CADM1: variants seen among roughly 807,000 people sequenced by gnomAD.
CADM1 encodes TSLC-1.
A neutral mutation model predicts 53.1 loss-of-function variants in CADM1; 15 were observed. The ratio of observed to expected loss-of-function variants is 0.28; its 90% CI spans 0.19 to 0.44. The LOEUF is 0.44. CADM1 is among the 20% of genes least tolerant of loss of function. CADM1 has a pLI of 1.00. For missense variants in CADM1, 434 were observed against 611.3 expected, an observed-to-expected ratio of 0.71 and a Z score of 3.06; for synonymous variants, 281 against 243.0, an observed-to-expected ratio of 1.16 and a Z score of -1.45.
In CADM1 at chr11:115,174,176, C is replaced by T. The variant is rs1431126399; in HGVS notation, c.*2298G>A. On this transcript the variant is annotated 3_prime_UTR_variant, in exon 12 of 12. Coordinates refer to ENST00000331581, the MANE Select transcript of CADM1 (RefSeq NM_001301043.2). ...GTCAACATTGTAAGCCATAAAGTTA[C>T]ATCAGGAACACTGCACTACTGTACA... is the stretch of plus-strand genomic sequence containing the variant. 1 of 985,334 alleles carries T rather than the reference C, an allele frequency of 1.0e-6. No homozygotes were observed. Among genetic ancestry groups the T allele is most frequent in the Non-Finnish European group, 1.2e-6 (1 of 829,898 alleles). 61.0% of individuals were successfully genotyped at this position (985,334 alleles called of 1,614,324 possible).
At chr11:115,265,330 C>T (rs1206461763) in intron 1 of CADM1, among the ~76,000 whole-genome samples, 1 of 152,136 alleles carries the variant, frequency 6.6e-6, no homozygotes, top group East Asian at 1.9e-4. Context: ...GGTGGTTTCT[C>T]CAGTGCCTAG....
chr11:115,367,559 C>A (rs986445708), intron 1 of CADM1, among the ~76,000 whole-genome samples: 6 of 151,986 alleles, frequency 3.9e-5, no homozygotes. Flanking sequence ...GTAACGAGAA[C>A]ACGAATCCCA....
chr11:115,468,581 A>G (rs1948944085), intron 1 of CADM1, among the ~76,000 whole-genome samples: 1 of 152,156 alleles, frequency 6.6e-6, no homozygotes, highest in South Asian at 2.1e-4. Context: ...TTTTTTAAGA[A>G]AGGCAAAAGG....
Position 115,209,568 on chromosome 11 carries a change from C to G in CADM1, c.1078+6G>C. On this transcript the variant is annotated splice_donor_region_variant and intron_variant, in intron 8 of 11. Transcript: ENST00000331581. ...GACATTTTCAATGGTAATGAAGATACCATACCTGTGATGATGGTAAGGATG... is the reference window on the plus strand; with the variant it reads ...GACATTTTCAATGGTAATGAAGATAGCATACCTGTGATGATGGTAAGGATG... 1 of 1,612,180 alleles carries G rather than the reference C, an allele frequency of 6.2e-7. No homozygotes were observed. Among genetic ancestry groups the G allele is most frequent in the Non-Finnish European group, 8.5e-7 (1 of 1,179,434 alleles).
At chr11:115,289,634 C>T (rs372680877) in intron 1 of CADM1, among the ~76,000 whole-genome samples, 19 of 132,914 alleles carry the variant, frequency 1.4e-4, no homozygotes, top group East Asian at 6.4e-4. Flanking sequence ...CTCGCTCTGT[C>T]GCCCAGGCTG....
At chr11:115,235,002 C>A (rs912879173) in intron 3 of CADM1, among the ~76,000 whole-genome samples, 3 of 148,790 alleles carry the variant, frequency 2.0e-5, no homozygotes, top group African/African-American at 7.4e-5. Context: ...TTTTTTTTTC[C>A]AAGCCCATAA....
intron 2 of CADM1, among the ~76,000 whole-genome samples, chr11:115,239,098 C>T (rs1367308046): frequency 6.6e-6 from 1 of 152,048 alleles, no homozygotes; most frequent in Non-Finnish European, 1.5e-5. Flanking sequence ...GGGACTAGGG[C>T]CTACAGCCTT....
rs1217750145 is a variant in CADM1 at position 115,202,972 on chromosome 11, A to G, written c.1079-4534T>C. ...TTCCTGGCTAATTTTCTTTCCATCT[A>G]TGTTATGTTTTAATCAAACTCCCCT... On this transcript the variant is annotated intron_variant, in intron 8 of 11. Transcript: ENST00000331581. Among the ~76,000 whole-genome samples the G allele has an allele frequency of 3.3e-5, 5 of 151,610 alleles. No individual in the cohort carries two copies. In the East Asian group the frequency reaches 5.8e-4, roughly 18 times the overall value.
chr11:115,220,229 A>T (rs899499859), intron 5 of CADM1, among the ~76,000 whole-genome samples: 2 of 152,140 alleles, frequency 1.3e-5, no homozygotes, highest in Middle Eastern at 3.2e-3. Flanking sequence ...TAGTGCACTA[A>T]GGATTTTACA....
At chr11:115,246,082 G>A (rs1470072470) in intron 1 of CADM1, among the ~76,000 whole-genome samples, 1 of 152,184 alleles carries the variant, frequency 6.6e-6, no homozygotes, top group Non-Finnish European at 1.5e-5. Flanking sequence ...GAGAACCAGG[G>A]TCCAAAGAGA....
intron 1 of CADM1, among the ~76,000 whole-genome samples, chr11:115,491,185 G>T (rs1391904362): frequency 6.6e-6 from 1 of 152,098 alleles, no homozygotes; most frequent in Non-Finnish European, 1.5e-5. Flanking sequence ...CAGAAGCAAG[G>T]TAAGGCATGG....
Position 115,174,408 on chromosome 11 carries a change from T to C in CADM1, c.*2066A>G, listed in dbSNP as rs1471262729. The C allele has an allele frequency of 1.0e-6, 1 of 985,668 alleles. No individual in the cohort carries two copies. Among genetic ancestry groups the C allele is most frequent in the East Asian group, 1.1e-4 (1 of 8,830 alleles). 61.1% of individuals were successfully genotyped at this position (985,668 alleles called of 1,614,324 possible). On this transcript the variant is annotated 3_prime_UTR_variant, in exon 12 of 12. Coordinates refer to ENST00000331581, the MANE Select transcript of CADM1 (RefSeq NM_001301043.2). ...CGGAATGGGTGCTAAGGGCTCGGAA[T>C]AGAGCTGCAGATTATAAAATTCATT...
intron 1 of CADM1, among the ~76,000 whole-genome samples, chr11:115,266,919 C>T (rs951373828): frequency 1.3e-5 from 2 of 152,168 alleles, no homozygotes; most frequent in Admixed American, 1.3e-4. Context: ...ATTGTTTTAA[C>T]CGTGATGTGA....
intron 5 of CADM1, among the ~76,000 whole-genome samples, chr11:115,226,116 G>A (rs1941597210): frequency 1.3e-5 from 2 of 151,760 alleles, no homozygotes; most frequent in African/African-American, 4.8e-5. Flanking sequence ...CTTTTTAGGT[G>A]ACAAAGGAAA....
intron 7 of CADM1, among the ~76,000 whole-genome samples, chr11:115,211,674 A>T: frequency 7.0e-6 from 1 of 142,134 alleles, no homozygotes; most frequent in African/African-American, 2.6e-5. Flanking sequence ...TTTTTTTAGT[A>T]GAGACGGGGT....
intron 5 of CADM1, among the ~76,000 whole-genome samples, chr11:115,224,542 C>G (rs892261528): frequency 1.3e-5 from 2 of 152,018 alleles, no homozygotes; most frequent in Non-Finnish European, 2.9e-5. Context: ...ACAAAACCCT[C>G]AAAAAATGAG....
intron 1 of CADM1, among the ~76,000 whole-genome samples, chr11:115,398,176 G>A (rs1947051231): frequency 6.6e-6 from 1 of 152,136 alleles, no homozygotes; most frequent in African/African-American, 2.4e-5. Context: ...CATCATTGGG[G>A]GAAAGTAATT....
intron 1 of CADM1, among the ~76,000 whole-genome samples, chr11:115,466,208 C>A (rs1374483295): frequency 6.6e-6 from 1 of 152,168 alleles, no homozygotes; most frequent in African/African-American, 2.4e-5. Flanking sequence ...TTCCTGTCCA[C>A]CAGAGTGAAT....
At chr11:115,451,519 G>T (rs1591256904) in intron 1 of CADM1, among the ~76,000 whole-genome samples, 1 of 152,172 alleles carries the variant, frequency 6.6e-6, no homozygotes, top group Non-Finnish European at 1.5e-5. Context: ...TTGTGCACAA[G>T]TCCTAAACTT....
Sources: allele counts gnomAD v4.1 joint callset (sites outside exome capture counted in the v4.1 genomes callset), GRCh38; gene constraint gnomAD v4.1.1; transcripts MANE v1.5; gene names NCBI Gene and HGNC (gene_info 2026-07-23, HGNC 2026-07-21).